ATAD2B: variants seen among roughly 807,000 people sequenced by gnomAD.
ATAD2B encodes the protein ATPase family AAA domain-containing protein 2B.
In ATAD2B, 40 loss-of-function variants were observed where a neutral mutation model predicts 167.6. The observed-to-expected ratio is 0.24, with a 90% CI of 0.19 to 0.31. ATAD2B has a LOEUF of 0.31. ATAD2B is among the 10% of genes least tolerant of loss of function. The pLI is 1.00. For missense variants in ATAD2B, 1,242 were observed against 1,757.2 expected (o/e 0.71, Z 5.24); for synonymous variants, 579 against 596.5 (o/e 0.97, Z 0.43).
intron 8 of ATAD2B, among the ~76,000 whole-genome samples, 165 bp from the exon 9 acceptor site, chr2:23,869,926 G>A (rs924801658): frequency 6.6e-6 from 1 of 151,876 alleles, no homozygotes; most frequent in Admixed American, 6.6e-5. Flanking sequence ...AGCAAGTTCT[G>A]CAGAGAAAAA....
At chr2:23,789,309 T>C (rs1242582062) in intron 19 of ATAD2B, among the ~76,000 whole-genome samples, 3 of 152,176 alleles carry the variant, frequency 2.0e-5, no homozygotes, top group Non-Finnish European at 1.5e-5. Flanking sequence ...GTTTAAATGC[T>C]CTTTACCTCA....
At position 23,847,462 on chromosome 2, in the gene ATAD2B, G is replaced by A. The variant is rs113161153; in HGVS notation, c.1568+9953C>T. On this transcript the variant is annotated intron_variant, in intron 13 of 27. Coordinates refer to ENST00000238789, the MANE Select transcript of ATAD2B (RefSeq NM_017552.4). ...GGAGGTTGCCATGAGCAGAGATTGC[G>A]CCACTGCACTCCAGCCTGGGCGACA... Among the ~76,000 whole-genome samples, 6 of 151,232 alleles carry A rather than the reference G, an allele frequency of 4.0e-5. No individual in the cohort carries two copies. In the East Asian group the frequency reaches 6.0e-4, roughly 15 times the overall value.
At chr2:23,845,434 A>G (rs1691609380) in intron 13 of ATAD2B, among the ~76,000 whole-genome samples, 1 of 152,104 alleles carries the variant, frequency 6.6e-6, no homozygotes. Flanking sequence ...TAGCAAAAAA[A>G]AGCCAGACAC....
the ATAD2B span, among the ~76,000 whole-genome samples, chr2:23,681,881 T>G: frequency 1.3e-5 from 2 of 152,154 alleles, no homozygotes; most frequent in Non-Finnish European, 1.5e-5. This position sits in a 1 kb window ranked among gnomAD's most constrained non-coding sequence, Gnocchi z 4.2. Flanking sequence ...AGCTGAGCCT[T>G]ATCCAGCCTG....
intron 22 of ATAD2B, among the ~76,000 whole-genome samples, chr2:23,776,476 T>C (rs1296034034): frequency 6.6e-6 from 1 of 152,234 alleles, no homozygotes; most frequent in East Asian, 1.9e-4. Flanking sequence ...TTAAACAGGA[T>C]TTATACACAG....
At chr2:23,856,233 G>A (rs1455735855) in intron 13 of ATAD2B, 2 of 170,198 alleles carry the variant, frequency 1.2e-5, no homozygotes, top group Non-Finnish European at 2.7e-5. Flanking sequence ...TTTTAAACTT[G>A]GGATATTTTT....
At chr2:23,811,596 C>T (rs890113248) in intron 17 of ATAD2B, 3 of 151,980 alleles carry the variant, frequency 2.0e-5, no homozygotes, top group African/African-American at 4.8e-5. Flanking sequence ...GGGGCCTGTC[C>T]GGGGGTGGGA....
At chr2:23,717,263 T>C in the ATAD2B span, among the ~76,000 whole-genome samples, 4 of 150,496 alleles carry the variant, frequency 2.7e-5, no homozygotes, top group African/African-American at 7.3e-5. Flanking sequence ...CAGGGACTCA[T>C]GGGAATGCAC....
chr2:23,759,062 C>T (rs1261371535), intron 24 of ATAD2B, among the ~76,000 whole-genome samples: 2 of 152,124 alleles, frequency 1.3e-5, no homozygotes, highest in South Asian at 2.1e-4. Context: ...ATTTGGGACA[C>T]TTGCATAATA....
chr2:23,798,444 A>T lies in ATAD2B; in HGVS notation c.2455-121T>A, dbSNP rs1483878228. On this transcript the variant is annotated intron_variant, in intron 18 of 27. Coordinates refer to ENST00000238789, the MANE Select transcript of ATAD2B (RefSeq NM_017552.4). ...TATGGTCATTAGTTTCAGCCTCAAA[A>T]TTTAAGTTCAAGATATGATGCACAA... 4 of 754,322 alleles carry T rather than the reference A, an allele frequency of 5.3e-6. No individual in the cohort carries two copies. In the African/African-American group the frequency reaches 5.3e-5, roughly 10 times the overall value. The allele number at this position is 754,322 out of a possible 1,614,324, so 46.7% of individuals were successfully genotyped here. A position where few individuals can be genotyped will look rare whatever the true frequency, so the allele number is the denominator to read the frequency against.
At position 23,803,533 on chromosome 2, in the gene ATAD2B, A is replaced by G. The variant is rs138561904; in HGVS notation, c.2455-5210T>C. 3.9e-3 allele frequency among the ~76,000 whole-genome samples: 588 copies of G among 152,340 alleles called. 3 individuals are homozygous for G. The highest frequency in any genetic ancestry group is 0.014 in the African/African-American group (567 of 41,582). ...TATGGGTGTGGAGCCAGAAAATCAGAAATTTGTGTAAGTACACTCAGGTGA... is the reference window on the plus strand; with the variant it reads ...TATGGGTGTGGAGCCAGAAAATCAGGAATTTGTGTAAGTACACTCAGGTGA... On this transcript the variant is annotated intron_variant, in intron 18 of 27. Coordinates refer to ENST00000238789, the MANE Select transcript of ATAD2B (RefSeq NM_017552.4).
chr2:23,920,574 T>C (rs907747696), intron 1 of ATAD2B, among the ~76,000 whole-genome samples: 4 of 152,182 alleles, frequency 2.6e-5, no homozygotes, highest in African/African-American at 9.7e-5. Context: ...CCTGGGAATA[T>C]GGCATTTAGG....
chr2:23,693,674 G>A, the ATAD2B span: 7 of 886,460 alleles, frequency 7.9e-6, no homozygotes, highest in African/African-American at 1.7e-5. Flanking sequence ...GCAGAGAGGT[G>A]AGAAACCAGT....
intron 16 of ATAD2B, among the ~76,000 whole-genome samples, chr2:23,822,775 G>C (rs143358720): frequency 6.6e-6 from 1 of 151,520 alleles, no homozygotes; most frequent in Admixed American, 6.6e-5. Context: ...AAAATTAGCC[G>C]GGCGTGGTGG....
At chr2:23,700,390 ACTACATGT>A in the ATAD2B span, among the ~76,000 whole-genome samples, 1 of 152,228 alleles carries the variant, frequency 6.6e-6, no homozygotes, top group Non-Finnish European at 1.5e-5. The surrounding 1 kb of genome is among the most constrained non-coding windows in gnomAD (Gnocchi z 4.6). Flanking sequence ...CTAATTTTTT[ACTACATGT>A]TACTACTCTC....
At chr2:23,891,782 C>T (rs1197712837) in intron 2 of ATAD2B, among the ~76,000 whole-genome samples, 4 of 150,608 alleles carry the variant, frequency 2.7e-5, no homozygotes, top group African/African-American at 9.7e-5. Context: ...GGATTACAGG[C>T]GTGAGCCGCT....
At chr2:23,908,925 G>A (rs1701859494) in intron 1 of ATAD2B, among the ~76,000 whole-genome samples, 2 of 146,154 alleles carry the variant, frequency 1.4e-5, no homozygotes, top group African/African-American at 2.5e-5. Context: ...ACTCATAGGT[G>A]GGAATTGAAC....
At chr2:23,849,380 A>G (rs1692203738) in intron 13 of ATAD2B, among the ~76,000 whole-genome samples, 1 of 152,242 alleles carries the variant, frequency 6.6e-6, no homozygotes, top group Non-Finnish European at 1.5e-5. Context: ...AAGCAACATC[A>G]ACATAAAGAT....
chr2:23,754,558 C>T, intron 26 of ATAD2B, 89 bp downstream of exon 26: 1 of 1,478,494 alleles, frequency 6.8e-7, no homozygotes, highest in Non-Finnish European at 9.2e-7. Flanking sequence ...AGGGTTAAAG[C>T]AGGAAAACTA....
Sources: gnomAD v4.1 joint callset for allele counts (sites outside exome capture counted in the v4.1 genomes callset) on GRCh38, gnomAD v4.1.1 for gene constraint, Gnocchi (gnomAD v3.1) non-coding constraint, MANE v1.5 for transcripts, NCBI Gene and HGNC (gene_info 2026-07-23, HGNC 2026-07-21) for gene names.